The following NDUFA10 variants were observed in gnomAD, a reference collection of about 807,000 sequenced individuals.
NDUFA10 encodes the protein NADH dehydrogenase [ubiquinone] 1 alpha subcomplex subunit 10, mitochondrial.
A neutral mutation model predicts 47.8 loss-of-function variants in NDUFA10; 40 were observed. The ratio of observed to expected loss-of-function variants is 0.84; its 90% CI spans 0.65 to 1.09. The LOEUF is 1.09. Ranked by LOEUF, NDUFA10 falls within the 50% of genes least tolerant of loss-of-function variation. The pLI is 0.00. For synonymous variants in NDUFA10, 183 were observed against 172.2 expected (o/e 1.06, Z -0.49); for missense variants, 413 against 451.1 (o/e 0.92, Z 0.76).
At position 240,014,731 on chromosome 2, in the gene NDUFA10, T is replaced by G. The variant is rs1384941259; in HGVS notation, c.669+8A>C. ...AGATGCTTGGCCTTTGATTGAAAAC[T>G]GCATTACATCTCCTTTCTTCTGAAT... On this transcript the variant is annotated splice_region_variant and intron_variant, in intron 5 of 9. Coordinates refer to ENST00000252711, the MANE Select transcript of NDUFA10 (RefSeq NM_004544.4). 2 of 1,614,198 alleles carry G rather than the reference T, an allele frequency of 1.2e-6. No homozygotes were observed. The highest frequency in any genetic ancestry group is 1.7e-6 in the Non-Finnish European group (2 of 1,180,026).
At chr2:240,025,198 G>T in intron 1 of NDUFA10, 29 bp downstream of exon 1, 5 of 570,582 alleles carry the variant, frequency 8.8e-6, no homozygotes, top group Non-Finnish European at 1.3e-5. Context: ...CTGCCACCCC[G>T]CCACCCTGCC....
intron 8 of NDUFA10, among the ~76,000 whole-genome samples, chr2:240,004,770 C>A (rs956913145): frequency 2.6e-5 from 4 of 152,264 alleles, no homozygotes; most frequent in African/African-American, 4.8e-5. Flanking sequence ...GCCCACAGGA[C>A]CCAATCCTGG....
At chr2:240,007,641 C>G (rs1696996141) in intron 6 of NDUFA10, among the ~76,000 whole-genome samples, 1 of 152,220 alleles carries the variant, frequency 6.6e-6, no homozygotes, top group African/African-American at 2.4e-5. Context: ...TGCCCCCAAG[C>G]CAAGGGCGTG....
Position 240,011,703 on chromosome 2 carries a change from A to T in NDUFA10, c.670-7T>A. The stretch of plus-strand genomic sequence containing the variant: ...TGATCTTCATTTCATGTGGCTAAAC[A>T]GAAGCAGAAAAATCAAACTGGGAAA... On this transcript the variant is annotated splice_polypyrimidine_tract_variant and splice_region_variant and intron_variant, in intron 5 of 9. Transcript: ENST00000252711. The T allele has an allele frequency of 6.2e-7, 1 of 1,607,382 alleles. No homozygotes were observed. Among genetic ancestry groups the T allele is most frequent in the Non-Finnish European group, 8.5e-7 (1 of 1,173,784 alleles).
At chr2:239,940,129 C>T (rs2106378170) in intron 4 of NDUFA10, among the ~76,000 whole-genome samples, 1 of 152,392 alleles carries the variant, frequency 6.6e-6, no homozygotes, top group South Asian at 2.1e-4. Context: ...AGGGTAAAGA[C>T]ATCACATCCG....
chr2:239,992,086 G>C (rs1038824123), intron 8 of NDUFA10, among the ~76,000 whole-genome samples: 2 of 152,090 alleles, frequency 1.3e-5, no homozygotes, highest in Non-Finnish European at 1.5e-5. Context: ...AAGAGTCCAT[G>C]GTATATCTCC....
At chr2:239,920,739 C>T (rs146218148) in intron 4 of NDUFA10, among the ~76,000 whole-genome samples, 47 of 152,254 alleles carry the variant, frequency 3.1e-4, no homozygotes, top group African/African-American at 1.0e-3. Flanking sequence ...GCGATGGAGG[C>T]GCTGTGGTTT....
chr2:239,996,811 T>C (rs1696499436), intron 8 of NDUFA10, among the ~76,000 whole-genome samples: 1 of 139,394 alleles, frequency 7.2e-6, no homozygotes, highest in African/African-American at 2.9e-5. Context: ...TTTTTTGCCT[T>C]TTTTTTTTTT....
At chr2:239,938,550 A>G (rs1050869841) in intron 4 of NDUFA10, among the ~76,000 whole-genome samples, 1 of 152,202 alleles carries the variant, frequency 6.6e-6, no homozygotes, top group African/African-American at 2.4e-5. Flanking sequence ...GGAGGCGGCT[A>G]CTTCCAGGGC....
downstream of NDUFA10, among the ~76,000 whole-genome samples, chr2:239,956,197 C>A (rs970022941): frequency 2.6e-5 from 4 of 152,200 alleles, no homozygotes; most frequent in Non-Finnish European, 5.9e-5. Flanking sequence ...TCCCCAGGGG[C>A]TCCAGCGCCT....
In NDUFA10 at chr2:239,928,055, G is replaced by A. The variant is rs1208875933; in HGVS notation, c.295-32741C>T. ...AAACACCAGTACCCAGGTAAAGAGC[G>A]ACTGAAGTCAAGAAGGGCCCTCCCA... is the stretch of plus-strand genomic sequence containing the variant. On this transcript the variant is annotated intron_variant, in intron 4 of 5. Transcript: ENST00000419408. The surrounding 1 kb of genome is among the most constrained non-coding windows in gnomAD (Gnocchi z 4.3). Among the ~76,000 whole-genome samples the A allele has an allele frequency of 6.6e-6, 1 of 151,982 alleles. No homozygotes were observed. The highest frequency in any genetic ancestry group is 2.4e-5 in the African/African-American group (1 of 41,352).
intron 8 of NDUFA10, among the ~76,000 whole-genome samples, chr2:239,990,989 T>TA (rs1483534689): frequency 1.3e-5 from 2 of 152,166 alleles, no homozygotes; most frequent in Admixed American, 1.3e-4. Context: ...ACATTCCCAT[T>TA]ACTGAGTTAT....
chr2:239,937,119 C>T (rs73101781), intron 4 of NDUFA10, among the ~76,000 whole-genome samples: 36 of 152,306 alleles, frequency 2.4e-4, no homozygotes, highest in Admixed American at 5.9e-4. Context: ...ACCCCAGAGA[C>T]GCTCACCGCA....
In NDUFA10 at chr2:239,968,628, G is replaced by C. The variant is rs150232514; in HGVS notation, c.1000-7442C>G. Among the ~76,000 whole-genome samples the C allele has an allele frequency of 3.6e-3, 544 of 152,300 alleles. 1 individual carries two copies. Among genetic ancestry groups the C allele is most frequent in the African/African-American group, 0.012 (514 of 41,564 alleles). ...CAGTGACTAGATTTTACGGAGTAGAGCACTAAAGGGGTGGGGCCTAGGCAG... is the reference window on the plus strand; with the variant it reads ...CAGTGACTAGATTTTACGGAGTAGACCACTAAAGGGGTGGGGCCTAGGCAG... On this transcript the variant is annotated intron_variant, in intron 9 of 9. Coordinates refer to ENST00000252711, the MANE Select transcript of NDUFA10 (RefSeq NM_004544.4).
At position 240,007,332 on chromosome 2, in the gene NDUFA10, G is replaced by C. The variant is rs1696983480; in HGVS notation, c.788C>G (p.Ala263Gly). ...TTTTCTTACCTTTTTTGAATCTTGA[G>C]CTTCCCTTGCAGAATATTGTAAAAC... ...CEVLQYSARE[A>G]QDSKKVVEDI... Residue 263 changes from alanine to glycine, a missense_variant, in exon 7 of 10, where the codon GCT becomes GGT. Physicochemically the swap from Ala to Gly is moderately conservative, Grantham distance 60. Transcript: ENST00000252711. 1 of 1,593,560 alleles carries C rather than the reference G, an allele frequency of 6.3e-7. No individual in the cohort carries two copies. Among genetic ancestry groups the C allele is most frequent in the Admixed American group, 1.7e-5 (1 of 59,790 alleles).
chr2:239,901,830 T>A (rs1223368275), intron 4 of NDUFA10, among the ~76,000 whole-genome samples: 1 of 151,798 alleles, frequency 6.6e-6, no homozygotes, highest in Non-Finnish European at 1.5e-5. Context: ...CCAACCCTCA[T>A]AGGTGACTTA....
intron 4 of NDUFA10, among the ~76,000 whole-genome samples, chr2:239,910,062 G>T (rs1188395119): frequency 6.6e-6 from 1 of 152,000 alleles, no homozygotes; most frequent in Non-Finnish European, 1.5e-5. Flanking sequence ...AAAGTCAAAA[G>T]ACACAGAGGC....
rs751255623 is a variant in NDUFA10 at position 240,022,329 on chromosome 2, ATGAATTCCTCTC to A, written c.76-1_86del. On this transcript the variant is annotated splice_acceptor_variant and coding_sequence_variant, in exon 2 of 10. Coordinates refer to ENST00000252711, the MANE Select transcript of NDUFA10 (RefSeq NM_004544.4). LOFTEE classifies it high-confidence loss of function. ...AGCGCAGTTTGCACTGCACACTGCTATGAATTCCTCTCTGAAAAACACAAAATCACACAGCAG... is the reference window on the plus strand; with the variant it reads ...AGCGCAGTTTGCACTGCACACTGCTATGAAAAACACAAAATCACACAGCAG... 5 of 1,614,008 alleles carry A rather than the reference ATGAATTCCTCTC, an allele frequency of 3.1e-6. No homozygotes were observed. The African/African-American group carries it at 4.0e-5, about 13-fold the overall frequency.
intron 4 of NDUFA10, among the ~76,000 whole-genome samples, chr2:239,915,694 CACATACATACACAG>C (rs1693854544): frequency 6.6e-6 from 1 of 151,160 alleles, no homozygotes; most frequent in Admixed American, 6.6e-5. Context: ...ACAGAACACA[CACATACATACACAG>C]ACATACACAA....
Sources: allele counts gnomAD v4.1 joint callset (sites outside exome capture counted in the v4.1 genomes callset), GRCh38; gene constraint gnomAD v4.1.1; non-coding constraint Gnocchi (gnomAD v3.1); transcripts MANE v1.5; gene names NCBI Gene and HGNC (gene_info 2026-07-23, HGNC 2026-07-21).